Variants in CCDC186 observed in about 807,000 individuals in gnomAD.
CCDC186 encodes coiled-coil domain containing 186.
A neutral mutation model predicts 113.7 loss-of-function variants in CCDC186; 49 were observed. The ratio of observed to expected loss-of-function variants is 0.43; its 90% confidence interval spans 0.34 to 0.55. The LOEUF (loss-of-function observed/expected upper bound fraction) is 0.55, where lower values mean the gene tolerates loss of function less well. Among genes scored for constraint, CCDC186 ranks in the 20% least tolerant of loss-of-function variants. The pLI, the probability that CCDC186 is intolerant of heterozygous loss-of-function variation, is 0.02. For missense variants in CCDC186, 890 were observed against 1,011.1 expected (o/e 0.88, Z 1.62); for synonymous variants, 355 against 345.8 (o/e 1.03, Z -0.30).
chr10:114,169,316 C>T (rs910754377), intron 1 of CCDC186, among the ~76,000 whole-genome samples: 1 of 145,792 alleles, frequency 6.9e-6, no homozygotes, highest in African/African-American at 2.6e-5. Flanking sequence ...GCCATCTTAG[C>T]TCACTGCAAC....
chr10:114,131,605 A>G (rs1011826677), intron 11 of CCDC186, among the ~76,000 whole-genome samples: 1 of 152,186 alleles, frequency 6.6e-6, no homozygotes, highest in African/African-American at 2.4e-5. Context: ...CATTTTTATG[A>G]GTAACTTGAA....
chr10:114,145,829 TG>T, intron 4 of CCDC186, 68 bp from the exon 5 acceptor site: 1 of 1,403,806 alleles, frequency 7.1e-7, no homozygotes, highest in Non-Finnish European at 9.6e-7. Context: ...TTGAAATACA[TG>T]GTATTTGTCT....
intron 2 of CCDC186, among the ~76,000 whole-genome samples, chr10:114,159,369 T>A (rs1371174665): frequency 2.0e-5 from 3 of 152,130 alleles, no homozygotes; most frequent in Non-Finnish European, 4.4e-5. Context: ...TACAGACAAC[T>A]GTTCTTAATT....
In CCDC186 at chr10:114,162,666, T is replaced by C; in HGVS notation, c.603A>G (p.Lys201=). The C allele has an allele frequency of 6.3e-7, 1 of 1,581,584 alleles. No homozygotes were observed. The highest frequency in any genetic ancestry group is 8.6e-7 in the Non-Finnish European group (1 of 1,168,256). The part of the protein sequence containing the change: ...LVLFEKCVQD[K]YLQQEHIIKK... ...TTATGATATGTTCCTGCTGCAAATATTTATCTTGCACACACTTTTCAAACA... is the reference window on the plus strand; with the variant it reads ...TTATGATATGTTCCTGCTGCAAATACTTATCTTGCACACACTTTTCAAACA... The change falls in exon 2 of 16, where the codon AAA becomes AAG. Residue 201 remains lysine (K), a synonymous_variant. Transcript: ENST00000369287.
At chr10:114,161,855 T>TAA (rs1308719665) in intron 2 of CCDC186, 1 of 151,956 alleles carries the variant, frequency 6.6e-6, no homozygotes, top group Non-Finnish European at 1.5e-5. Flanking sequence ...TATTGAGCCT[T>TAA]AAAAAGAAAT....
At chr10:114,132,320 A>G in intron 10 of CCDC186, 136 bp from the exon 11 acceptor site, 1 of 641,242 alleles carries the variant, frequency 1.6e-6, no homozygotes, top group Non-Finnish European at 2.4e-6. Context: ...TAAATGCCTA[A>G]TATATGCCAG....
intron 1 of CCDC186, among the ~76,000 whole-genome samples, chr10:114,167,799 TAAAAAAAAAAAAAA>T (rs60257583): frequency 4.2e-4 from 30 of 71,300 alleles, no homozygotes; most frequent in African/African-American, 1.7e-3. Flanking sequence ...CTAATCTCCG[TAAAAAAAAAAAAAA>T]AAAAAAAAAA....
At position 114,121,577 on chromosome 10, in the gene CCDC186, A is replaced by C. The variant is rs1307877180; in HGVS notation, c.*3566T>G. 6.6e-6 allele frequency: 1 copy of C among 152,174 alleles called. No homozygotes were observed. Among genetic ancestry groups the C allele is most frequent in the Admixed American group, 6.5e-5 (1 of 15,270 alleles). 9.4% of individuals were successfully genotyped at this position (152,174 alleles called of 1,614,324 possible). ...GTCTTTGGATTTTTTATTTTTTCTT[A>C]AATAATGAAAATCAAACTATGATAA... On this transcript the variant is annotated 3_prime_UTR_variant, in exon 16 of 16. Coordinates refer to ENST00000369287, the MANE Select transcript of CCDC186 (RefSeq NM_018017.4).
At chr10:114,135,794 T>C (rs1295970889) in intron 9 of CCDC186, 97 bp downstream of exon 9, 5 of 952,320 alleles carry the variant, frequency 5.3e-6, no homozygotes, top group Middle Eastern at 2.2e-4. Context: ...AACATTTCTA[T>C]ATTAATGTCC....
chr10:114,167,147 A>G (rs538382885), intron 1 of CCDC186, among the ~76,000 whole-genome samples: 2 of 151,566 alleles, frequency 1.3e-5, no homozygotes, highest in Non-Finnish European at 2.9e-5. Flanking sequence ...CAGCCTCCCA[A>G]GTAGCTGGGA....
chr10:114,140,818 C>T (rs1373727966), intron 6 of CCDC186, among the ~76,000 whole-genome samples: 1 of 151,990 alleles, frequency 6.6e-6, no homozygotes, highest in South Asian at 2.1e-4. Flanking sequence ...TCTCCTTGGA[C>T]ATATGGAATG....
intron 6 of CCDC186, among the ~76,000 whole-genome samples, chr10:114,137,849 C>G (rs2031316631): frequency 6.6e-6 from 1 of 151,780 alleles, no homozygotes; most frequent in Admixed American, 6.6e-5. Context: ...CCAGCCTGAC[C>G]AACATGGAGA....
intron 1 of CCDC186, among the ~76,000 whole-genome samples, chr10:114,173,554 G>C (rs1349003565): frequency 6.6e-6 from 1 of 152,216 alleles, no homozygotes; most frequent in Non-Finnish European, 1.5e-5. Context: ...TAATGGAAGT[G>C]TTTGGAAGAG....
At chr10:114,166,893 A>G (rs2032349252) in intron 1 of CCDC186, among the ~76,000 whole-genome samples, 1 of 152,204 alleles carries the variant, frequency 6.6e-6, no homozygotes, top group Non-Finnish European at 1.5e-5. Context: ...CCTGTAAATT[A>G]AGGAAGACTC....
chr10:114,168,721 G>C (rs918714211), intron 1 of CCDC186, among the ~76,000 whole-genome samples: 1 of 152,104 alleles, frequency 6.6e-6, no homozygotes, highest in Non-Finnish European at 1.5e-5. Context: ...CTAATTTTCA[G>C]GGAGATTGGT....
Position 114,136,257 on chromosome 10 carries a change from G to A in CCDC186, c.1327-11C>T, listed in dbSNP as rs1180063226. Reference sequence around the variant, plus strand: ...AATTTCTTCTGACTCCTAGTGGAAAGAAAACAAAAAAAGTGTGACAATTTT... The same window carrying A: ...AATTTCTTCTGACTCCTAGTGGAAAAAAAACAAAAAAAGTGTGACAATTTT... On this transcript the variant is annotated splice_polypyrimidine_tract_variant and intron_variant, in intron 7 of 15. Transcript: ENST00000369287. The A allele has an allele frequency of 6.3e-7, 1 of 1,593,040 alleles. No homozygotes were observed. Among genetic ancestry groups the A allele is most frequent in the Admixed American group, 1.7e-5 (1 of 58,052 alleles).
chr10:114,149,534 A>AAAGGG lies in CCDC186; in HGVS notation c.888+1553_888+1557dup, dbSNP rs1357336330. 1.1e-3 allele frequency among the ~76,000 whole-genome samples: 140 copies of AAAGGG among 125,982 alleles called. 1 individual carries two copies. In the Middle Eastern group the frequency reaches 0.025, roughly 23 times the overall value. The allele number at this position is 125,982 out of a possible 152,430, so 82.6% of individuals were successfully genotyped here. A position where few individuals can be genotyped will look rare whatever the true frequency, so the allele number is the denominator to read the frequency against. On this transcript the variant is annotated intron_variant, in intron 4 of 15. Transcript: ENST00000369287. ...GAAGAGTTTTAGGAAGGAAGGAAGGAAAGGGAAGGGAAGGGAAGGGAAGGA... is the reference window on the plus strand; with the variant it reads ...GAAGAGTTTTAGGAAGGAAGGAAGGAAAGGGAAGGGAAGGGAAGGGAAGGGAAGGA...
At chr10:114,137,082 A>C in intron 7 of CCDC186, 104 bp downstream of exon 7, 1 of 782,132 alleles carries the variant, frequency 1.3e-6, no homozygotes. Context: ...GTGCCATTGA[A>C]CTCCAGCCCG....
chr10:114,172,663 A>C (rs1564922437), intron 1 of CCDC186, among the ~76,000 whole-genome samples: 1 of 152,386 alleles, frequency 6.6e-6, no homozygotes, highest in East Asian at 1.9e-4. Flanking sequence ...TTTGCCTATT[A>C]TGCTGTAAAA....
Sources: gnomAD v4.1 joint callset for allele counts (sites outside exome capture counted in the v4.1 genomes callset) on GRCh38, gnomAD v4.1.1 for gene constraint, MANE v1.5 for transcripts, NCBI Gene and HGNC (gene_info 2026-07-23, HGNC 2026-07-21) for gene names.